The following CACNB4 variants were observed in gnomAD, a reference collection of about 807,000 sequenced individuals.
CACNB4 encodes the protein voltage-dependent L-type calcium channel subunit beta-4.
CACNB4 carries 32 observed loss-of-function variants against 71.2 expected under a neutral mutation model. That is an observed-to-expected ratio of 0.45 (90% confidence interval 0.34 to 0.60). CACNB4 has a LOEUF of 0.60. Among genes scored for constraint, CACNB4 ranks in the 20% least tolerant of loss-of-function variants. The pLI is 0.01. For missense variants in CACNB4, 464 were observed against 647.9 expected (o/e 0.72, Z 3.08); for synonymous variants, 231 against 236.9 (o/e 0.97, Z 0.23).
Position 151,839,389 on chromosome 2 carries a change from T to G in CACNB4, c.1303-10A>C. The G allele has an allele frequency of 6.3e-7, 1 of 1,592,174 alleles. No homozygotes were observed. The highest frequency in any genetic ancestry group is 8.6e-7 in the Non-Finnish European group (1 of 1,163,558). On this transcript the variant is annotated splice_polypyrimidine_tract_variant and intron_variant, in intron 13 of 13. Transcript: ENST00000539935. ...GCCTCATTCGCTGACTCTAAAAATA[T>G]CAGATAGTTCATTGATTAAATAATG... is the stretch of plus-strand genomic sequence containing the variant.
chr2:151,944,444 G>C (rs1362967550), intron 2 of CACNB4, among the ~76,000 whole-genome samples: 1 of 152,150 alleles, frequency 6.6e-6, no homozygotes, highest in Non-Finnish European at 1.5e-5. Flanking sequence ...ATTTGGGTCT[G>C]ATCTGGAAGA....
At chr2:151,859,899 T>A (rs1455517309) in intron 10 of CACNB4, 3 of 152,226 alleles carry the variant, frequency 2.0e-5, no homozygotes, top group Admixed American at 6.5e-5. Context: ...TTAATTTTAT[T>A]TTTCTATTAT....
intron 2 of CACNB4, among the ~76,000 whole-genome samples, chr2:151,976,089 C>T (rs1015075419): frequency 6.6e-6 from 1 of 152,302 alleles, no homozygotes; most frequent in African/African-American, 2.4e-5. Flanking sequence ...ATGCAGTCAG[C>T]GAGTCTGACC....
At chr2:152,060,580 G>C (rs1282628260) in intron 2 of CACNB4, among the ~76,000 whole-genome samples, 2 of 152,114 alleles carry the variant, frequency 1.3e-5, no homozygotes, top group Non-Finnish European at 2.9e-5. Flanking sequence ...AGGGGTGAGG[G>C]AGCAGTGTAC....
chr2:151,920,905 A>G (rs559971637), intron 2 of CACNB4, among the ~76,000 whole-genome samples: 30 of 152,152 alleles, frequency 2.0e-4, no homozygotes, highest in Admixed American at 8.5e-4. Flanking sequence ...TTGGGAGGCC[A>G]AGGCGGACGG....
At chr2:152,020,062 C>A (rs1198651374) in intron 2 of CACNB4, among the ~76,000 whole-genome samples, 1 of 152,194 alleles carries the variant, frequency 6.6e-6, no homozygotes, top group Non-Finnish European at 1.5e-5. Context: ...GATTTTCACC[C>A]TGCAGCCTAT....
chr2:152,087,213 T>C lies in CACNB4; in HGVS notation c.147+11117A>G, dbSNP rs187688217. ...TTCGGGAGGCCAAGGCCTGATCACC[T>C]AGGAATTCAAGACCAGCCTGGTGGT... is the stretch of plus-strand genomic sequence containing the variant. On this transcript the variant is annotated intron_variant, in intron 2 of 13. Transcript: ENST00000539935. Among the ~76,000 whole-genome samples the C allele has an allele frequency of 3.4e-4, 51 of 151,862 alleles. No individual in the cohort carries two copies. The East Asian group carries it at 7.0e-3, about 21-fold the overall frequency.
intron 13 of CACNB4, among the ~76,000 whole-genome samples, chr2:151,841,349 G>A (rs2099836190): frequency 6.6e-6 from 1 of 152,200 alleles, no homozygotes; most frequent in African/African-American, 2.4e-5. Context: ...AAGGCAGGAA[G>A]ATTGCTTGAA....
At chr2:151,907,063 T>C (rs567617590) in intron 2 of CACNB4, among the ~76,000 whole-genome samples, 199 of 151,634 alleles carry the variant, frequency 1.3e-3, no homozygotes, top group African/African-American at 4.6e-3. Context: ...ATCCATCTCT[T>C]TTTTTTTTCC....
chr2:152,040,072 C>A (rs901097093), intron 2 of CACNB4, among the ~76,000 whole-genome samples: 1 of 152,092 alleles, frequency 6.6e-6, no homozygotes, highest in African/African-American at 2.4e-5. Context: ...TGATGGCCCC[C>A]AGTTTTCATT....
chr2:151,991,761 A>C (rs1227271796), intron 2 of CACNB4, among the ~76,000 whole-genome samples: 1 of 152,208 alleles, frequency 6.6e-6, no homozygotes, highest in Non-Finnish European at 1.5e-5. Context: ...ATAGGGAGTC[A>C]AAAGGAGATG....
intron 2 of CACNB4, among the ~76,000 whole-genome samples, chr2:151,990,610 T>G (rs1681653494): frequency 6.6e-6 from 1 of 152,168 alleles, no homozygotes; most frequent in Non-Finnish European, 1.5e-5. Context: ...CCCCCAATCT[T>G]TTAACAAAGA....
intron 9 of CACNB4, chr2:151,861,851 A>AAAAACAAAAAAAAAAAAAAAAAC (rs2099841775): frequency 2.2e-5 from 3 of 135,288 alleles, no homozygotes; most frequent in African/African-American, 8.7e-5. Context: ...TCAAAAAAAA[A>AAAAACAAAAAAAAAAAAAAAAAC]AAAAAAACTG....
chr2:151,911,784 C>T (rs1311125735), intron 2 of CACNB4, among the ~76,000 whole-genome samples: 3 of 152,092 alleles, frequency 2.0e-5, no homozygotes, highest in African/African-American at 7.2e-5. Context: ...TAGTAGAATT[C>T]AGCTGTGAAT....
intron 2 of CACNB4, chr2:151,968,380 T>C (rs561704047): frequency 6.6e-6 from 1 of 152,328 alleles, no homozygotes; most frequent in East Asian, 1.9e-4. Context: ...CTTGGTACAA[T>C]TTTTAACTTA....
At position 152,098,820 on chromosome 2, in the gene CACNB4, G is replaced by T; in HGVS notation, c.63+129C>A. ...AAGGGACGTGGAGGAGGGGTGGGGG[G>T]AGCGGGGCCGCCGACTCCCGGGACT... On this transcript the variant is annotated intron_variant, in intron 1 of 13. Coordinates refer to ENST00000539935, the MANE Select transcript of CACNB4 (RefSeq NM_000726.5). The surrounding 1 kb of genome is among the most constrained non-coding windows in gnomAD (Gnocchi z 5.3). 1.2e-6 allele frequency: 1 copy of T among 836,812 alleles called. No homozygotes were observed. The allele number at this position is 836,812 out of a possible 1,614,324, so 51.8% of individuals were successfully genotyped here.
chr2:152,010,218 A>T (rs1682978952), intron 2 of CACNB4, among the ~76,000 whole-genome samples: 1 of 152,238 alleles, frequency 6.6e-6, no homozygotes, highest in Non-Finnish European at 1.5e-5. Context: ...TTAGGGAAGT[A>T]AGCACCATTA....
chr2:151,974,108 T>C (rs1237237713), intron 2 of CACNB4: 3 of 274,812 alleles, frequency 1.1e-5, no homozygotes, highest in Non-Finnish European at 1.7e-5. Context: ...TTCGCCTGTA[T>C]TGTTAGTTCT....
intron 2 of CACNB4, among the ~76,000 whole-genome samples, chr2:152,010,940 A>G (rs1410307013): frequency 6.6e-6 from 1 of 152,192 alleles, no homozygotes; most frequent in Non-Finnish European, 1.5e-5. Flanking sequence ...TGGCCCAGAG[A>G]TGAGATGTTA....
Sources: allele counts gnomAD v4.1 joint callset (sites outside exome capture counted in the v4.1 genomes callset), GRCh38; gene constraint gnomAD v4.1.1; non-coding constraint Gnocchi (gnomAD v3.1); transcripts MANE v1.5; gene names NCBI Gene and HGNC (gene_info 2026-07-23, HGNC 2026-07-21).